CDH4: variants seen among roughly 807,000 people sequenced by gnomAD.
CDH4 encodes cadherin 4.
A neutral mutation model predicts 86.0 loss-of-function variants in CDH4; 33 were observed. The observed-to-expected ratio is 0.38, with a 90% confidence interval of 0.29 to 0.51. The LOEUF (loss-of-function observed/expected upper bound fraction) is 0.51, where lower values mean the gene tolerates loss of function less well. CDH4 is among the 20% of genes least tolerant of loss of function. CDH4 has a pLI of 0.86. For missense variants in CDH4, 1,114 were observed against 1,307.4 expected (o/e 0.85, Z 2.28); for synonymous variants, 555 against 549.4 (o/e 1.01, Z -0.14).
chr20:61,445,200 G>A (rs995313763), intron 2 of CDH4, among the ~76,000 whole-genome samples: 3 of 152,156 alleles, frequency 2.0e-5, no homozygotes, highest in African/African-American at 4.8e-5. Flanking sequence ...TTCGAAGACT[G>A]TCAGGAAGCT....
chr20:61,273,293 GTACCATGTGCAGTTTGGGGGAA>G (rs1270961374), intron 2 of CDH4, among the ~76,000 whole-genome samples: 52 of 135,570 alleles, frequency 3.8e-4, no homozygotes, highest in Non-Finnish European at 5.9e-4. Context: ...TATTGGGGAA[GTACCATGTGCAGTTTGGGGGAA>G]TACCATGTGC....
intron 2 of CDH4, among the ~76,000 whole-genome samples, chr20:61,567,272 C>T (rs2086305975): frequency 1.3e-5 from 2 of 152,216 alleles, no homozygotes; most frequent in Non-Finnish European, 2.9e-5. Context: ...TTACCTTAGT[C>T]TATTTAGGCT....
chr20:61,608,213 G>A (rs1037673133), intron 2 of CDH4, among the ~76,000 whole-genome samples: 1 of 152,138 alleles, frequency 6.6e-6, no homozygotes, highest in Non-Finnish European at 1.5e-5. Context: ...TGATTAACCA[G>A]TCCAACCAGC....
Position 61,798,046 on chromosome 20 carries a change from C to T in CDH4, c.576+24864C>T, listed in dbSNP as rs915835270. On this transcript the variant is annotated intron_variant, in intron 4 of 15. Transcript: ENST00000614565. Reference sequence around the variant, plus strand: ...CGGGGTCAGCTCCAGCCTCACTGAGCGTCCACAGCCAGCCTCTCTGAGTCT... The same window carrying T: ...CGGGGTCAGCTCCAGCCTCACTGAGTGTCCACAGCCAGCCTCTCTGAGTCT... Among the ~76,000 whole-genome samples, 17 of 152,338 alleles carry T rather than the reference C, an allele frequency of 1.1e-4. 1 individual carries two copies. The highest frequency in any genetic ancestry group is 6.2e-4 in the South Asian group (3 of 4,828).
At chr20:61,800,187 A>G (rs1979753797) in intron 4 of CDH4, among the ~76,000 whole-genome samples, 1 of 152,146 alleles carries the variant, frequency 6.6e-6, no homozygotes, top group Non-Finnish European at 1.5e-5. Flanking sequence ...CTGCAGCCCC[A>G]AGGGCCCTTT....
At chr20:61,891,722 G>A (rs1984829852) in intron 7 of CDH4, among the ~76,000 whole-genome samples, 1 of 152,216 alleles carries the variant, frequency 6.6e-6, no homozygotes, top group Non-Finnish European at 1.5e-5. Flanking sequence ...GTTCTGGGTG[G>A]GAGGCCTTGT....
chr20:61,822,017 G>C (rs1233212206), intron 4 of CDH4, among the ~76,000 whole-genome samples: 1 of 152,258 alleles, frequency 6.6e-6, no homozygotes. Context: ...GGGTCTGAAA[G>C]TGATTTTTGG....
intron 2 of CDH4, among the ~76,000 whole-genome samples, chr20:61,334,951 C>G (rs1024609634): frequency 6.6e-6 from 1 of 152,224 alleles, no homozygotes; most frequent in Non-Finnish European, 1.5e-5. Context: ...CTGCTGAGCC[C>G]CAGGCTCCAG....
rs960867054 is a variant in CDH4 at position 61,501,432 on chromosome 20, G to A, written c.170-242131G>A. 6.6e-6 allele frequency among the ~76,000 whole-genome samples: 1 copy of A among 151,990 alleles called. No homozygotes were observed. ...AAAGTGTTGGTGTTTACCTGGCTAC[G>A]TACTTGGCCACGGAGAGTCCAGGTG... On this transcript the variant is annotated intron_variant, in intron 2 of 15. Coordinates refer to ENST00000614565, the MANE Select transcript of CDH4 (RefSeq NM_001794.5). This position sits in a 1 kb window ranked among gnomAD's most constrained non-coding sequence, Gnocchi z 4.2.
intron 2 of CDH4, among the ~76,000 whole-genome samples, chr20:61,292,231 C>A (rs181914149): frequency 6.7e-4 from 102 of 152,304 alleles, no homozygotes; most frequent in African/African-American, 2.4e-3. Flanking sequence ...ATGGAATCAG[C>A]CGAAATGCCC....
intron 4 of CDH4, among the ~76,000 whole-genome samples, chr20:61,787,924 C>G (rs1273698677): frequency 6.6e-6 from 1 of 152,128 alleles, no homozygotes; most frequent in Non-Finnish European, 1.5e-5. Context: ...GAGAGAAGAA[C>G]TGAGAGAGTG....
At chr20:61,350,882 A>G (rs1282350497) in intron 2 of CDH4, among the ~76,000 whole-genome samples, 1 of 151,832 alleles carries the variant, frequency 6.6e-6, no homozygotes, top group African/African-American at 2.4e-5. Context: ...TTTATTTTCT[A>G]GGAATAATTT....
intron 2 of CDH4, among the ~76,000 whole-genome samples, chr20:61,555,852 G>T (rs1045577738): frequency 6.6e-6 from 1 of 152,160 alleles, no homozygotes; most frequent in Non-Finnish European, 1.5e-5. Flanking sequence ...ATACAATCCC[G>T]TTTCTGGCAG....
intron 2 of CDH4, among the ~76,000 whole-genome samples, chr20:61,645,082 A>G (rs2087048305): frequency 6.6e-6 from 1 of 152,196 alleles, no homozygotes; most frequent in African/African-American, 2.4e-5. Context: ...GTTAACCTTC[A>G]ATACTTCCTT....
chr20:61,651,441 C>T (rs1568733921), intron 2 of CDH4, among the ~76,000 whole-genome samples: 1 of 152,254 alleles, frequency 6.6e-6, no homozygotes, highest in African/African-American at 2.4e-5. Context: ...CGCGGCGTTC[C>T]TCTCCTTCTG....
chr20:61,528,419 G>A (rs1182108794), intron 2 of CDH4, among the ~76,000 whole-genome samples: 1 of 114,938 alleles, frequency 8.7e-6, no homozygotes, highest in Non-Finnish European at 1.8e-5. Context: ...GGGGGGTGGA[G>A]GGGGAGAGGA....
intron 4 of CDH4, among the ~76,000 whole-genome samples, chr20:61,815,507 G>A (rs1318210933): frequency 7.2e-5 from 11 of 152,220 alleles, no homozygotes; most frequent in Non-Finnish European, 2.9e-5. Context: ...CGGGAGACAG[G>A]AGGAAGACGC....
chr20:61,532,381 G>A lies in CDH4; in HGVS notation c.170-211182G>A, dbSNP rs184386019. Among the ~76,000 whole-genome samples the A allele has an allele frequency of 4.4e-3, 664 of 152,278 alleles. 1 individual carries two copies. The highest frequency in any genetic ancestry group is 6.0e-3 in the Non-Finnish European group (406 of 68,024). ...CCCTGGCACCAGTTCAACACGAGGC[G>A]GCAAATGTAAAAATGGAGCCCCGTA... On this transcript the variant is annotated intron_variant, in intron 2 of 15. Coordinates refer to ENST00000614565, the MANE Select transcript of CDH4 (RefSeq NM_001794.5).
At chr20:61,359,265 G>A (rs76393212) in intron 2 of CDH4, among the ~76,000 whole-genome samples, 3 of 152,310 alleles carry the variant, frequency 2.0e-5, no homozygotes, top group African/African-American at 7.2e-5. Context: ...TTCCCTAGGA[G>A]TTTGGGGGTG....
Sources: gnomAD v4.1 joint callset for allele counts (sites outside exome capture counted in the v4.1 genomes callset) on GRCh38, gnomAD v4.1.1 for gene constraint, Gnocchi (gnomAD v3.1) non-coding constraint, MANE v1.5 for transcripts, NCBI Gene and HGNC (gene_info 2026-07-23, HGNC 2026-07-21) for gene names.